LMO7: variants seen among roughly 807,000 people sequenced by gnomAD.
LMO7 encodes LIM domain only protein 7.
A neutral mutation model predicts 206.5 loss-of-function variants in LMO7; 120 were observed. That is an observed-to-expected ratio of 0.58 (90% confidence interval 0.50 to 0.68). The LOEUF (loss-of-function observed/expected upper bound fraction) is 0.68. Among genes scored for constraint, LMO7 ranks in the 30% least tolerant of loss-of-function variants. The probability of loss-of-function intolerance (pLI) is 0.00; values close to 1 mark genes in which losing one functional copy is unlikely to be tolerated. For synonymous variants in LMO7, 706 were observed against 681.5 expected, an observed-to-expected ratio of 1.04 and a Z score of -0.56; for missense variants, 1,959 against 1,957.9, an observed-to-expected ratio of 1.00 and a Z score of -0.01.
intron 1 of LMO7, among the ~76,000 whole-genome samples, chr13:75,683,271 A>ATT (rs1200387155): frequency 1.3e-5 from 2 of 152,112 alleles, no homozygotes; most frequent in Non-Finnish European, 2.9e-5. Context: ...CTTGTGGTTC[A>ATT]TATCTAAGAC....
upstream of LMO7, among the ~76,000 whole-genome samples, chr13:75,633,850 T>G (rs1190485980): frequency 7.1e-6 from 1 of 141,818 alleles, no homozygotes; most frequent in South Asian, 2.4e-4. Flanking sequence ...CCTTTTTTTT[T>G]TTTTTTTTTT....
At chr13:75,655,355 C>G (rs954496456) in intron 1 of LMO7, among the ~76,000 whole-genome samples, 1 of 152,024 alleles carries the variant, frequency 6.6e-6, no homozygotes, top group African/African-American at 2.4e-5. Flanking sequence ...CTGTTACAAG[C>G]TTATTTGGAA....
intron 15 of LMO7, among the ~76,000 whole-genome samples, chr13:75,830,305 G>C (rs935389954): frequency 2.0e-5 from 3 of 148,812 alleles, no homozygotes; most frequent in Non-Finnish European, 4.6e-5. Context: ...CCCCACAAGT[G>C]GGGCTCTGGA....
intron 3 of LMO7, among the ~76,000 whole-genome samples, chr13:75,728,342 T>A (rs552855585): frequency 6.6e-6 from 1 of 152,350 alleles, no homozygotes; most frequent in South Asian, 2.1e-4. Context: ...GGTATCTCAT[T>A]GTGGTTTTGA....
intron 6 of LMO7, among the ~76,000 whole-genome samples, chr13:75,798,736 T>G (rs1325266023): frequency 6.6e-6 from 1 of 152,184 alleles, no homozygotes. Context: ...TAAACAATCG[T>G]TGGTGGAAGT....
intron 1 of LMO7, among the ~76,000 whole-genome samples, chr13:75,643,828 A>G (rs1185645362): frequency 2.6e-5 from 4 of 152,204 alleles, no homozygotes; most frequent in African/African-American, 9.6e-5. Flanking sequence ...AGCCTTTCCA[A>G]AGATTATGAA....
chr13:75,731,441 G>A (rs534226395), intron 3 of LMO7, among the ~76,000 whole-genome samples: 1 of 152,200 alleles, frequency 6.6e-6, no homozygotes, highest in African/African-American at 2.4e-5. Flanking sequence ...ATCAGAGACT[G>A]AGATTTCAAC....
At chr13:75,721,282 C>T (rs976610516) in intron 2 of LMO7, among the ~76,000 whole-genome samples, 2 of 152,154 alleles carry the variant, frequency 1.3e-5, no homozygotes, top group African/African-American at 2.4e-5. Context: ...TTTGATATTT[C>T]ACAGAAATAT....
chr13:75,769,260 C>T (rs1416222094), intron 4 of LMO7, among the ~76,000 whole-genome samples: 1 of 151,900 alleles, frequency 6.6e-6, no homozygotes, highest in African/African-American at 2.4e-5. Flanking sequence ...TGGTTTCTGT[C>T]ATGCTGAGCA....
At chr13:75,681,730 A>ATATATATATATATG (rs2041367687) in intron 1 of LMO7, among the ~76,000 whole-genome samples, 3 of 130,320 alleles carry the variant, frequency 2.3e-5, no homozygotes, top group Admixed American at 7.7e-5. Flanking sequence ...ATATATATAT[A>ATATATATATATATG]TATATATATA....
chr13:75,748,821 T>C (rs572140123), intron 3 of LMO7, among the ~76,000 whole-genome samples: 2 of 151,522 alleles, frequency 1.3e-5, no homozygotes, highest in African/African-American at 4.8e-5. Context: ...CTTTCTTTTT[T>C]TTTTTTTGAG....
At chr13:75,639,750 T>TA (rs1566264621) in intron 1 of LMO7, among the ~76,000 whole-genome samples, 1 of 152,236 alleles carries the variant, frequency 6.6e-6, no homozygotes, top group Non-Finnish European at 1.5e-5. Flanking sequence ...GTCAGTTTTT[T>TA]AGTCTGTAAG....
chr13:75,741,105 C>T (rs1358739918), intron 3 of LMO7, among the ~76,000 whole-genome samples: 1 of 152,148 alleles, frequency 6.6e-6, no homozygotes, highest in African/African-American at 2.4e-5. Context: ...TTGATTAAAA[C>T]TGCTAAATTG....
intron 7 of LMO7, among the ~76,000 whole-genome samples, chr13:75,802,515 C>A (rs963555787): frequency 1.3e-5 from 2 of 152,174 alleles, no homozygotes; most frequent in African/African-American, 4.8e-5. Context: ...GGATAGAGGG[C>A]ATGTGGGAAT....
At position 75,717,380 on chromosome 13, in the gene LMO7, A is replaced by AC. The variant is rs1294196394; in HGVS notation, c.140+4128_140+4129insC. ...TCCGTCTCAAAAAAAAAAAAAAAAA[A>AC]ACACACAAACAAAAAAACACAACTC... On this transcript the variant is annotated intron_variant, in intron 2 of 30. Transcript: ENST00000377534. Among the ~76,000 whole-genome samples the AC allele has an allele frequency of 4.1e-3, 611 of 148,676 alleles. 2 individuals are homozygous for AC. Among genetic ancestry groups the AC allele is most frequent in the South Asian group, 0.014 (67 of 4,712 alleles).
At chr13:75,788,100 C>A (rs557605202) in intron 4 of LMO7, among the ~76,000 whole-genome samples, 3 of 152,214 alleles carry the variant, frequency 2.0e-5, no homozygotes, top group South Asian at 4.2e-4. Flanking sequence ...AGAGCAATAG[C>A]CCCTTCCCTT....
At chr13:75,838,345 A>G (rs1566586573) in intron 20 of LMO7, 149 bp downstream of exon 20, 2 of 1,495,458 alleles carry the variant, frequency 1.3e-6, no homozygotes, top group Non-Finnish European at 1.8e-6. Context: ...TTCTTTCCCT[A>G]GGGTCATCAG....
At chr13:75,752,807 C>A (rs1341046445) in intron 3 of LMO7, among the ~76,000 whole-genome samples, 3 of 152,150 alleles carry the variant, frequency 2.0e-5, no homozygotes, top group African/African-American at 4.8e-5. Flanking sequence ...TGGATGTATA[C>A]CACATTTTAT....
At chr13:75,675,537 C>G (rs192505706) in intron 1 of LMO7, among the ~76,000 whole-genome samples, 91 of 152,166 alleles carry the variant, frequency 6.0e-4, no homozygotes, top group African/African-American at 2.2e-3. Flanking sequence ...TTTTCTCCTC[C>G]TCTTAGCATT....
Sources: gnomAD v4.1 joint callset for allele counts (sites outside exome capture counted in the v4.1 genomes callset) on GRCh38, gnomAD v4.1.1 for gene constraint, MANE v1.5 for transcripts, NCBI Gene and HGNC (gene_info 2026-07-23, HGNC 2026-07-21) for gene names.